ADORA2B: variants seen among roughly 807,000 people sequenced by gnomAD.
ADORA2B encodes the protein adenosine receptor A2b.
ADORA2B carries 18 observed loss-of-function variants against 20.8 expected under a neutral mutation model. The ratio of observed to expected loss-of-function variants is 0.87; its 90% confidence interval spans 0.60 to 1.29. ADORA2B has a LOEUF of 1.29. Ranked by LOEUF, ADORA2B falls within the 50% of genes most tolerant of loss-of-function variation. The pLI, the probability that ADORA2B is intolerant of heterozygous loss-of-function variation, is 0.00. For synonymous variants in ADORA2B, 179 were observed against 178.3 expected, an observed-to-expected ratio of 1.00 and a Z score of -0.03; for missense variants, 441 against 422.7, an observed-to-expected ratio of 1.04 and a Z score of -0.38.
In ADORA2B at chr17:15,974,798, A is replaced by C. The variant is rs780525055; in HGVS notation, c.455A>C (p.Asn152Thr). 5.4e-6 allele frequency: 8 copies of C among 1,482,698 alleles called. No individual in the cohort carries two copies. The highest frequency in any genetic ancestry group is 5.0e-5 in the East Asian group (2 of 39,868). The allele number at this position is 1,482,698 out of a possible 1,614,324, so 91.8% of individuals were successfully genotyped here. A position where few individuals can be genotyped will look rare whatever the true frequency, so the allele number is the denominator to read the frequency against. ...TGGAACAGTAAAGACAGTGCCACCAACAACTGCACAGAACCCTGGGATGGA... is the reference window on the plus strand; with the variant it reads ...TGGAACAGTAAAGACAGTGCCACCACCAACTGCACAGAACCCTGGGATGGA... The part of the protein sequence containing the change: ...LGWNSKDSAT[N>T]NCTEPWDGTT... The change falls in exon 2 of 2, where the codon AAC (asparagine) becomes ACC (threonine). Residue 152 changes from asparagine to threonine, a missense_variant. By Grantham distance (65) the Asn-to-Thr change is moderately conservative (BLOSUM62 0). Coordinates refer to ENST00000304222, the MANE Select transcript of ADORA2B (RefSeq NM_000676.4).
At chr17:15,876,154 T>A in the ADORA2B span, among the ~76,000 whole-genome samples, 1 of 152,250 alleles carries the variant, frequency 6.6e-6, no homozygotes, top group Non-Finnish European at 1.5e-5. Context: ...TCATAGAAGG[T>A]AAAATTTTAT....
the ADORA2B span, among the ~76,000 whole-genome samples, chr17:15,924,103 A>C: frequency 6.6e-6 from 1 of 151,774 alleles, no homozygotes; most frequent in Non-Finnish European, 1.5e-5. Flanking sequence ...AGTAGAGACA[A>C]GTTTTCGCCA....
At chr17:15,861,274 A>G in the ADORA2B span, among the ~76,000 whole-genome samples, 1 of 152,208 alleles carries the variant, frequency 6.6e-6, no homozygotes, top group Non-Finnish European at 1.5e-5. Context: ...TGTAGAGAGA[A>G]GTAGAAGTTC....
chr17:15,894,884 C>G, the ADORA2B span, among the ~76,000 whole-genome samples: 49,069 of 151,958 alleles, frequency 0.32, 8,643 homozygotes, highest in African/African-American at 0.46. Context: ...TAAGGTGTTA[C>G]AGTTCTCTAG....
At chr17:15,941,291 T>C (rs184024839), upstream of ADORA2B, among the ~76,000 whole-genome samples, 63 of 152,248 alleles carry the variant, frequency 4.1e-4, no homozygotes, top group African/African-American at 1.5e-3. Context: ...GTGAAGTAGA[T>C]ATTGTTATCC....
chr17:15,917,725 G>C, the ADORA2B span, among the ~76,000 whole-genome samples: 7 of 152,236 alleles, frequency 4.6e-5, no homozygotes, highest in Admixed American at 4.6e-4. Context: ...CCCCTGCCTA[G>C]CCTGGCCCAT....
intron 1 of ADORA2B, 155 bp from the exon 2 acceptor site, chr17:15,974,524 G>A: frequency 4.8e-6 from 3 of 620,326 alleles, no homozygotes; most frequent in Admixed American, 3.0e-5. Context: ...ATCCCTGCTT[G>A]CATGTCTTTA....
At chr17:15,876,421 T>TTTTTC in the ADORA2B span, among the ~76,000 whole-genome samples, 1 of 149,390 alleles carries the variant, frequency 6.7e-6, no homozygotes, top group Non-Finnish European at 1.5e-5. Flanking sequence ...GGTCTTTTTT[T>TTTTTC]TTTCTTTCTT....
chr17:15,872,884 A>T, the ADORA2B span, among the ~76,000 whole-genome samples: 1 of 152,136 alleles, frequency 6.6e-6, no homozygotes, highest in African/African-American at 2.4e-5. Context: ...TCCAATCCGG[A>T]TACCCTTTAT....
At chr17:15,888,067 C>A in the ADORA2B span, among the ~76,000 whole-genome samples, 1 of 109,176 alleles carries the variant, frequency 9.2e-6, no homozygotes, top group Non-Finnish European at 1.8e-5. Flanking sequence ...ATAATATGAA[C>A]AGAATCAGAA....
At chr17:15,929,977 T>C in the ADORA2B span, among the ~76,000 whole-genome samples, 1 of 152,200 alleles carries the variant, frequency 6.6e-6, no homozygotes, top group Non-Finnish European at 1.5e-5. Context: ...ATGTACATTT[T>C]GGTTAATGCC....
the ADORA2B span, among the ~76,000 whole-genome samples, chr17:15,907,471 A>G: frequency 1.3e-5 from 2 of 152,146 alleles, no homozygotes; most frequent in African/African-American, 2.4e-5. Flanking sequence ...TCCAAATTCA[A>G]TCCCAAAGTT....
chr17:15,941,296 T>C (rs1373808867), upstream of ADORA2B, among the ~76,000 whole-genome samples: 1 of 152,202 alleles, frequency 6.6e-6, no homozygotes, highest in Non-Finnish European at 1.5e-5. Context: ...GTAGATATTG[T>C]TATCCCATCT....
At chr17:15,861,140 C>T in the ADORA2B span, among the ~76,000 whole-genome samples, 10 of 152,248 alleles carry the variant, frequency 6.6e-5, no homozygotes, top group East Asian at 1.7e-3. Flanking sequence ...ATGCAGTGCC[C>T]GTCTTCAGTG....
At chr17:15,917,962 GTCC>G in the ADORA2B span, among the ~76,000 whole-genome samples, 21 of 152,360 alleles carry the variant, frequency 1.4e-4, no homozygotes, top group African/African-American at 4.8e-4. Flanking sequence ...GGCCCGGGCT[GTCC>G]TCCTCCGTAT....
chr17:15,934,952 G>A, the ADORA2B span, among the ~76,000 whole-genome samples: 3 of 151,956 alleles, frequency 2.0e-5, no homozygotes, highest in South Asian at 2.1e-4. Flanking sequence ...GACCACAAGC[G>A]CATGCCACCA....
chr17:15,941,051 G>T (rs531439749), upstream of ADORA2B, among the ~76,000 whole-genome samples: 6 of 152,336 alleles, frequency 3.9e-5, no homozygotes, highest in East Asian at 1.2e-3. Context: ...GATGAGAGGG[G>T]TGAGAGATGA....
chr17:15,958,308 A>G (rs955800911), intron 1 of ADORA2B, among the ~76,000 whole-genome samples: 7 of 151,968 alleles, frequency 4.6e-5, no homozygotes, highest in African/African-American at 1.5e-4. Context: ...GTGAGCCACC[A>G]CGCCCGGCCC....
Position 15,964,821 on chromosome 17 carries a change from G to A in ADORA2B, c.336-9858G>A, listed in dbSNP as rs533823334. ...TCACGCCTGTAACCCCAGCACTTTGGGAGGCCAAGGTGGGCGAATCACGAG... is the reference window on the plus strand; with the variant it reads ...TCACGCCTGTAACCCCAGCACTTTGAGAGGCCAAGGTGGGCGAATCACGAG... On this transcript the variant is annotated intron_variant, in intron 1 of 1. Transcript: ENST00000304222. Among the ~76,000 whole-genome samples the A allele has an allele frequency of 2.6e-5, 4 of 151,842 alleles. No individual in the cohort carries two copies. In the South Asian group the frequency reaches 8.3e-4, roughly 32 times the overall value.
Sources: gnomAD v4.1 joint callset for allele counts (sites outside exome capture counted in the v4.1 genomes callset) on GRCh38, gnomAD v4.1.1 for gene constraint, MANE v1.5 for transcripts, NCBI Gene and HGNC (gene_info 2026-07-23, HGNC 2026-07-21) for gene names.